POU6F2: variants seen among roughly 807,000 people sequenced by gnomAD.
The protein encoded by POU6F2 is POU class 6 homeobox 2, also known as POU domain, class 6, transcription factor 2.
POU6F2 carries 31 observed loss-of-function variants against 71.3 expected under a neutral mutation model. That is an observed-to-expected ratio of 0.43 (90% CI 0.33 to 0.59). POU6F2 has a LOEUF of 0.59. Ranked by LOEUF, POU6F2 falls within the 20% of genes least tolerant of loss-of-function variation. The pLI, the probability that POU6F2 is intolerant of heterozygous loss-of-function variation, is 0.04. For missense variants in POU6F2, 783 were observed against 856.8 expected, an observed-to-expected ratio of 0.91 and a Z score of 1.07; for synonymous variants, 347 against 355.7, an observed-to-expected ratio of 0.98 and a Z score of 0.27.
chr7:39,040,192 T>C (rs1056171073), intron 1 of POU6F2, among the ~76,000 whole-genome samples: 4 of 133,522 alleles, frequency 3.0e-5, no homozygotes, highest in Non-Finnish European at 4.7e-5. Flanking sequence ...TTTACTTCTA[T>C]AGCAAGCTTT....
At chr7:39,280,187 T>C (rs887782942) in intron 4 of POU6F2, among the ~76,000 whole-genome samples, 1 of 152,210 alleles carries the variant, frequency 6.6e-6, no homozygotes, top group Non-Finnish European at 1.5e-5. Context: ...CTTCGACATA[T>C]CTTTTTGGGA....
intron 4 of POU6F2, among the ~76,000 whole-genome samples, chr7:39,326,579 C>T (rs932452963): frequency 1.3e-5 from 2 of 152,172 alleles, no homozygotes; most frequent in Non-Finnish European, 2.9e-5. Flanking sequence ...GTCAAAATGC[C>T]CACTCAAACC....
intron 4 of POU6F2, among the ~76,000 whole-genome samples, chr7:39,232,468 C>T (rs1481417164): frequency 6.6e-6 from 1 of 152,112 alleles, no homozygotes; most frequent in Non-Finnish European, 1.5e-5. Context: ...GGAGGTGTCT[C>T]TAAAAAGACT....
rs754312073 is a variant in POU6F2, at chr7:39,451,628, C to G, written c.1416C>G (p.Pro472=). 15 of 1,613,514 alleles carry G rather than the reference C, an allele frequency of 9.3e-6. No individual in the cohort carries two copies. The highest frequency in any genetic ancestry group is 1.0e-5 in the Non-Finnish European group (12 of 1,179,714). The change falls in exon 8 of 10, where the codon CCC becomes CCG. Residue 472 remains proline, a synonymous_variant. Coordinates refer to ENST00000518318, the MANE Select transcript of POU6F2 (RefSeq NM_001370959.1). ...GCCAAGCATCCATGTCTCAAAGTCCCGTCCGGCAGGCTTCCTCTTCTTCCT... is the reference window on the plus strand; with the variant it reads ...GCCAAGCATCCATGTCTCAAAGTCCGGTCCGGCAGGCTTCCTCTTCTTCCT... ...AHSQASMSQS[P]VRQASSSSSS...
rs556123420 is a variant in POU6F2 at position 39,464,713 on chromosome 7, A to G, written c.*27A>G. The G allele has an allele frequency of 1.2e-5, 18 of 1,563,842 alleles. No individual in the cohort carries two copies. Among genetic ancestry groups the G allele is most frequent in the Non-Finnish European group, 1.6e-5 (18 of 1,157,548 alleles). On this transcript the variant is annotated 3_prime_UTR_variant, in exon 10 of 10. Coordinates refer to ENST00000518318, the MANE Select transcript of POU6F2 (RefSeq NM_001370959.1). The surrounding 1 kb of genome is among the most constrained non-coding windows in gnomAD (Gnocchi z 4.1). ...GAGATGCCCACCCATAATCAGAAGCAAAATTCACAGAAACTAAACTCCACC... is the reference window on the plus strand; with the variant it reads ...GAGATGCCCACCCATAATCAGAAGCGAAATTCACAGAAACTAAACTCCACC...
At chr7:38,979,181 C>T (rs549102505) in intron 1 of POU6F2, among the ~76,000 whole-genome samples, 11 of 139,458 alleles carry the variant, frequency 7.9e-5, no homozygotes, top group African/African-American at 2.9e-4. Context: ...ACTATGGTCA[C>T]GAATATTTAT....
At chr7:39,374,979 A>G (rs1003224832) in intron 5 of POU6F2, among the ~76,000 whole-genome samples, 1 of 152,198 alleles carries the variant, frequency 6.6e-6, no homozygotes, top group Non-Finnish European at 1.5e-5. Context: ...GTTTTTGTCC[A>G]GAAGTCTAAC....
At chr7:39,244,391 G>A (rs941179325) in intron 4 of POU6F2, among the ~76,000 whole-genome samples, 2 of 152,144 alleles carry the variant, frequency 1.3e-5, no homozygotes, top group African/African-American at 2.4e-5. Flanking sequence ...AGTACCACTC[G>A]TTGCCCGTGT....
At chr7:39,184,726 G>C (rs1793497644) in intron 2 of POU6F2, among the ~76,000 whole-genome samples, 1 of 152,042 alleles carries the variant, frequency 6.6e-6, no homozygotes, top group African/African-American at 2.4e-5. Flanking sequence ...TCTCCTCTTT[G>C]GTTTTCTTAC....
At chr7:39,380,870 A>G (rs1583562661) in intron 5 of POU6F2, among the ~76,000 whole-genome samples, 2 of 151,930 alleles carry the variant, frequency 1.3e-5, no homozygotes, top group East Asian at 1.9e-4. Flanking sequence ...CAGAAATTCT[A>G]CTCGTGCTCA....
At chr7:39,463,957 G>C (rs931779397) in intron 9 of POU6F2, among the ~76,000 whole-genome samples, 1 of 152,188 alleles carries the variant, frequency 6.6e-6, no homozygotes, top group African/African-American at 2.4e-5. Context: ...GCATCCTGCT[G>C]TCTCTGCTTC....
chr7:38,998,838 T>TTTTTTG (rs869182741), intron 1 of POU6F2, among the ~76,000 whole-genome samples: 2 of 141,330 alleles, frequency 1.4e-5, no homozygotes, highest in African/African-American at 2.6e-5. Flanking sequence ...TTTTTTTTTT[T>TTTTTTG]TATTTTCAGT....
intron 4 of POU6F2, among the ~76,000 whole-genome samples, chr7:39,220,134 C>G (rs934733959): frequency 6.6e-6 from 1 of 152,180 alleles, no homozygotes; most frequent in Non-Finnish European, 1.5e-5. Context: ...GCAACCCCAG[C>G]AGCAGCCGCG....
At chr7:39,417,412 G>T (rs1265854171) in intron 6 of POU6F2, among the ~76,000 whole-genome samples, 2 of 152,180 alleles carry the variant, frequency 1.3e-5, no homozygotes, top group South Asian at 4.1e-4. Flanking sequence ...AAGTTCAAAT[G>T]TAGGCCTTTG....
intron 1 of POU6F2, among the ~76,000 whole-genome samples, chr7:38,997,037 T>G (rs1047845161): frequency 2.0e-5 from 3 of 152,336 alleles, no homozygotes; most frequent in African/African-American, 7.2e-5. Context: ...ATCAGTGACC[T>G]TCACACATTT....
intron 1 of POU6F2, among the ~76,000 whole-genome samples, chr7:38,981,907 A>C (rs1788325051): frequency 6.6e-6 from 1 of 152,222 alleles, no homozygotes; most frequent in African/African-American, 2.4e-5. Context: ...TTTAAAACAC[A>C]CAAATATTTC....
At chr7:39,204,378 C>T in intron 3 of POU6F2, 52 bp downstream of exon 3, 4 of 1,412,390 alleles carry the variant, frequency 2.8e-6, no homozygotes, top group South Asian at 1.3e-5. Context: ...ATGGTTTAAC[C>T]ATATAAATCA....
intron 2 of POU6F2, among the ~76,000 whole-genome samples, chr7:39,130,715 A>T (rs911087594): frequency 3.3e-5 from 5 of 152,176 alleles, no homozygotes; most frequent in Non-Finnish European, 5.9e-5. Context: ...TAATTTGTTT[A>T]AAAAACATCT....
At chr7:39,373,407 A>C in intron 5 of POU6F2, 1 of 456,472 alleles carries the variant, frequency 2.2e-6, no homozygotes, top group Non-Finnish European at 4.4e-6. Context: ...TAGTATGCCA[A>C]GAGCCAACAG....
Sources: gnomAD v4.1 joint callset for allele counts (sites outside exome capture counted in the v4.1 genomes callset) on GRCh38, gnomAD v4.1.1 for gene constraint, Gnocchi (gnomAD v3.1) non-coding constraint, MANE v1.5 for transcripts, NCBI Gene and HGNC (gene_info 2026-07-23, HGNC 2026-07-21) for gene names.